BAZ2B: variants seen among roughly 807,000 people sequenced by gnomAD.
The protein encoded by BAZ2B is bromodomain adjacent to zinc finger domain 2B.
A neutral mutation model predicts 246.0 loss-of-function variants in BAZ2B; 91 were observed. The observed-to-expected ratio is 0.37, with a 90% CI of 0.31 to 0.44. The LOEUF (loss-of-function observed/expected upper bound fraction) is 0.44, where lower values mean the gene tolerates loss of function less well. Ranked by LOEUF, BAZ2B falls within the 20% of genes least tolerant of loss-of-function variation. The pLI is 1.00. For synonymous variants in BAZ2B, 855 were observed against 860.0 expected (o/e 0.99, Z 0.10); for missense variants, 2,332 against 2,533.7 (o/e 0.92, Z 1.71).
chr2:159,600,231 C>A (rs923957624), intron 1 of BAZ2B, among the ~76,000 whole-genome samples: 1 of 152,096 alleles, frequency 6.6e-6, no homozygotes, highest in Non-Finnish European at 1.5e-5. Context: ...ATAAGCCATA[C>A]CTCATGAGAC....
intron 1 of BAZ2B, among the ~76,000 whole-genome samples, chr2:159,571,857 C>G (rs370509045): frequency 6.6e-6 from 1 of 152,246 alleles, no homozygotes; most frequent in South Asian, 2.1e-4. Flanking sequence ...GGAGCCTACT[C>G]CCAAGATAAC....
intron 1 of BAZ2B, among the ~76,000 whole-genome samples, chr2:159,584,461 T>C (rs2151654217): frequency 6.6e-6 from 1 of 152,234 alleles, no homozygotes; most frequent in Non-Finnish European, 1.5e-5. Flanking sequence ...GCTATGTTGA[T>C]AATAGACTCT....
chr2:159,594,633 G>GT lies in BAZ2B; in HGVS notation c.-46+21608dup, dbSNP rs57735673. ...AGTAAATTGAGTCATTATTTTGACA[G>GT]TTTTTTTTTTTTTCTTGACATGTAA... On this transcript the variant is annotated intron_variant, in intron 1 of 36. Transcript: ENST00000392783. Among the ~76,000 whole-genome samples the GT allele has an allele frequency of 3.0e-3, 451 of 148,428 alleles. 2 individuals carry two copies. Among genetic ancestry groups the GT allele is most frequent in the East Asian group, 0.013 (67 of 5,076 alleles).
chr2:159,352,641 A>G (rs1031528803), intron 27 of BAZ2B, among the ~76,000 whole-genome samples: 1 of 152,166 alleles, frequency 6.6e-6, no homozygotes, highest in African/African-American at 2.4e-5. Flanking sequence ...GCACACCACC[A>G]TGTCCAAGTA....
At chr2:159,590,742 G>T (rs1196677111) in intron 1 of BAZ2B, among the ~76,000 whole-genome samples, 4 of 152,124 alleles carry the variant, frequency 2.6e-5, no homozygotes, top group Non-Finnish European at 5.9e-5. Flanking sequence ...TTGCAAAGAT[G>T]GGGGTGGGCA....
At chr2:159,411,864 T>C in intron 14 of BAZ2B, 1 of 734,518 alleles carries the variant, frequency 1.4e-6, no homozygotes, top group Non-Finnish European at 1.7e-6. Context: ...ATACTATATC[T>C]GGACTACAGG....
intron 25 of BAZ2B, among the ~76,000 whole-genome samples, chr2:159,376,135 T>C (rs977821161): frequency 6.6e-6 from 1 of 152,194 alleles, no homozygotes; most frequent in African/African-American, 2.4e-5. Context: ...ATAGGCAAAT[T>C]ACTTAACCTT....
intron 25 of BAZ2B, among the ~76,000 whole-genome samples, chr2:159,376,665 C>A (rs571911422): frequency 1.3e-5 from 2 of 152,206 alleles, no homozygotes; most frequent in East Asian, 3.9e-4. Context: ...ATAATCTGTT[C>A]ATGCAAAAAT....
At chr2:159,631,397 A>C in the BAZ2B span, among the ~76,000 whole-genome samples, 2 of 152,180 alleles carry the variant, frequency 1.3e-5, no homozygotes, top group Non-Finnish European at 2.9e-5. Context: ...GTGTATAGCA[A>C]CCAGCACATA....
the BAZ2B span, among the ~76,000 whole-genome samples, chr2:159,696,914 G>A: frequency 6.6e-6 from 1 of 152,090 alleles, no homozygotes; most frequent in Non-Finnish European, 1.5e-5. Flanking sequence ...AGCCTCCCAA[G>A]TAGCTGCGAC....
At chr2:159,569,775 T>C (rs1010520509) in intron 1 of BAZ2B, among the ~76,000 whole-genome samples, 2 of 152,040 alleles carry the variant, frequency 1.3e-5, no homozygotes, top group Admixed American at 6.6e-5. Context: ...CAGTGAGCTA[T>C]GACCACCCCA....
At chr2:159,358,037 AT>A (rs1257545868) in intron 27 of BAZ2B, among the ~76,000 whole-genome samples, 1 of 152,204 alleles carries the variant, frequency 6.6e-6, no homozygotes, top group Non-Finnish European at 1.5e-5. Flanking sequence ...CATCGACACT[AT>A]GAAGAAACTG....
chr2:159,407,049 C>T (rs563526470), intron 14 of BAZ2B, among the ~76,000 whole-genome samples: 19 of 151,894 alleles, frequency 1.3e-4, no homozygotes, highest in Admixed American at 2.0e-4. Context: ...CCAGCGTGCC[C>T]GGCCTGTTGT....
At chr2:159,442,467 G>C (rs2073589866) in intron 6 of BAZ2B, among the ~76,000 whole-genome samples, 1 of 152,184 alleles carries the variant, frequency 6.6e-6, no homozygotes, top group Non-Finnish European at 1.5e-5. Flanking sequence ...TGGAGGGAGT[G>C]ATGACATTTG....
chr2:159,534,834 T>C (rs751997085), intron 2 of BAZ2B, among the ~76,000 whole-genome samples: 1 of 152,154 alleles, frequency 6.6e-6, no homozygotes, highest in Non-Finnish European at 1.5e-5. Flanking sequence ...CTCGAATTCC[T>C]GACTTCAGGC....
At chr2:159,483,976 G>T (rs1485597838) in intron 2 of BAZ2B, among the ~76,000 whole-genome samples, 1 of 152,088 alleles carries the variant, frequency 6.6e-6, no homozygotes, top group African/African-American at 2.4e-5. Context: ...CATTATAGAT[G>T]TTTCCTGTAG....
At chr2:159,552,071 C>T (rs1193562496) in intron 2 of BAZ2B, among the ~76,000 whole-genome samples, 7 of 152,172 alleles carry the variant, frequency 4.6e-5, no homozygotes, top group Non-Finnish European at 7.4e-5. Flanking sequence ...ATTATGTGCA[C>T]TACTTTCCCA....
At chr2:159,517,001 G>C (rs748634166) in intron 2 of BAZ2B, among the ~76,000 whole-genome samples, 5 of 152,054 alleles carry the variant, frequency 3.3e-5, no homozygotes, top group African/African-American at 4.8e-5. Context: ...AATTTCAGCT[G>C]CTACAACAAA....
chr2:159,628,026 T>C, the BAZ2B span, among the ~76,000 whole-genome samples: 2 of 151,978 alleles, frequency 1.3e-5, no homozygotes, highest in African/African-American at 2.4e-5. Flanking sequence ...ATACCAATAA[T>C]AGAGAAACAG....
Sources: allele counts gnomAD v4.1 joint callset (sites outside exome capture counted in the v4.1 genomes callset), GRCh38; gene constraint gnomAD v4.1.1; transcripts MANE v1.5; gene names NCBI Gene and HGNC (gene_info 2026-07-23, HGNC 2026-07-21).